Variants in BCL2L1 observed in about 807,000 individuals in gnomAD.
BCL2L1 encodes the protein bcl-2-like protein 1.
Under a neutral mutation model 18.7 loss-of-function variants are expected in BCL2L1, and 1 was observed. The observed-to-expected ratio is 0.05, with a 90% CI of 0.02 to 0.25. BCL2L1 has a LOEUF of 0.25. Among genes scored for constraint, BCL2L1 ranks in the 10% least tolerant of loss-of-function variants. The probability of loss-of-function intolerance (pLI) is 1.00; values close to 1 mark genes in which losing one functional copy is unlikely to be tolerated. For missense variants in BCL2L1, 207 were observed against 304.9 expected (o/e 0.68, Z 2.39); for synonymous variants, 103 against 122.7 (o/e 0.84, Z 1.06).
intron 2 of BCL2L1, among the ~76,000 whole-genome samples, chr20:31,711,320 G>T (rs927695247): frequency 6.6e-6 from 1 of 152,230 alleles, no homozygotes; most frequent in Admixed American, 6.5e-5. Context: ...CCAGCAAGGA[G>T]TCAAGCTGTC....
intron 2 of BCL2L1, among the ~76,000 whole-genome samples, chr20:31,705,841 T>C (rs1168521588): frequency 2.6e-5 from 4 of 152,278 alleles, no homozygotes; most frequent in African/African-American, 9.6e-5. Context: ...GGCAGTTTCC[T>C]CTAGGTTGAC....
chr20:31,694,466 G>C (rs1378324865), intron 2 of BCL2L1, among the ~76,000 whole-genome samples: 1 of 152,134 alleles, frequency 6.6e-6, no homozygotes, highest in Non-Finnish European at 1.5e-5. Context: ...CTGTCTCCCT[G>C]TGGCTTTTCT....
chr20:31,707,289 T>C (rs1412217945), intron 2 of BCL2L1, among the ~76,000 whole-genome samples: 1 of 152,188 alleles, frequency 6.6e-6, no homozygotes, highest in Non-Finnish European at 1.5e-5. Context: ...ATCCACATAT[T>C]CTGTCAGCCT....
intron 2 of BCL2L1, among the ~76,000 whole-genome samples, chr20:31,706,294 A>G (rs919590166): frequency 1.3e-5 from 2 of 152,238 alleles, no homozygotes; most frequent in Admixed American, 6.5e-5. Context: ...CATCTGAGTC[A>G]TATTCAGAGT....
intron 2 of BCL2L1, among the ~76,000 whole-genome samples, chr20:31,721,277 T>TGAG: frequency 6.6e-6 from 1 of 152,194 alleles, no homozygotes; most frequent in Non-Finnish European, 1.5e-5. Context: ...TCTCCAGGCA[T>TGAG]TATACTCATC....
intron 2 of BCL2L1, among the ~76,000 whole-genome samples, chr20:31,673,343 G>T (rs999187202): frequency 1.3e-5 from 2 of 151,996 alleles, no homozygotes; most frequent in South Asian, 2.1e-4. Context: ...CAAAGTGCTA[G>T]GATTAAAGAC....
At chr20:31,679,230 G>C (rs1465639496) in intron 2 of BCL2L1, among the ~76,000 whole-genome samples, 1 of 152,198 alleles carries the variant, frequency 6.6e-6, no homozygotes, top group African/African-American at 2.4e-5. Context: ...GCACCCAGAG[G>C]TGTGCTGTTC....
chr20:31,717,465 G>A (rs1375982975), intron 2 of BCL2L1, among the ~76,000 whole-genome samples: 1 of 152,178 alleles, frequency 6.6e-6, no homozygotes, highest in East Asian at 1.9e-4. Flanking sequence ...TTATTCCTAG[G>A]AAGTCTGGAA....
At chr20:31,717,655 C>G (rs2061558419) in intron 2 of BCL2L1, among the ~76,000 whole-genome samples, 1 of 152,210 alleles carries the variant, frequency 6.6e-6, no homozygotes, top group Admixed American at 6.5e-5. Context: ...CACAGAACTG[C>G]CACTATCTGC....
chr20:31,711,931 C>G lies in BCL2L1; in HGVS notation c.564+9724G>C, dbSNP rs934828001. On this transcript the variant is annotated intron_variant, in intron 2 of 2. Coordinates refer to ENST00000307677, the MANE Select transcript of BCL2L1 (RefSeq NM_138578.3). ...AATCCCAGCTCTTCTTGGTACTAGC[C>G]TGTGAAGCTCTGGGTATATCACTTT... Among the ~76,000 whole-genome samples the G allele has an allele frequency of 6.6e-5, 10 of 152,292 alleles. No individual in the cohort carries two copies. The East Asian group carries it at 1.3e-3, about 21-fold the overall frequency.
chr20:31,719,751 T>C (rs1031898885), intron 2 of BCL2L1, among the ~76,000 whole-genome samples: 2 of 152,312 alleles, frequency 1.3e-5, no homozygotes, highest in Admixed American at 6.5e-5. Flanking sequence ...CTGGTAGGGG[T>C]AGCCTTCTGC....
At chr20:31,696,710 A>AGT in intron 2 of BCL2L1, among the ~76,000 whole-genome samples, 1 of 152,296 alleles carries the variant, frequency 6.6e-6, no homozygotes, top group East Asian at 1.9e-4. Context: ...CCCAGGAGTT[A>AGT]GAGACCAGTC....
intron 2 of BCL2L1, chr20:31,686,390 A>C (rs1863722424): frequency 1.3e-5 from 2 of 152,244 alleles, no homozygotes; most frequent in Admixed American, 6.5e-5. Flanking sequence ...CCAAGGTAAG[A>C]GGAAAACCCT....
At chr20:31,705,572 G>A (rs989072912) in intron 2 of BCL2L1, among the ~76,000 whole-genome samples, 1 of 152,136 alleles carries the variant, frequency 6.6e-6, no homozygotes, top group African/African-American at 2.4e-5. Context: ...CTTTATAAAG[G>A]GAGCTATGGT....
chr20:31,691,238 T>C (rs1042334769), intron 2 of BCL2L1, among the ~76,000 whole-genome samples: 1 of 129,776 alleles, frequency 7.7e-6, no homozygotes, highest in Non-Finnish European at 1.6e-5. Context: ...ACTTAAGTCA[T>C]AAATAATTCA....
upstream of BCL2L1, chr20:31,723,953 G>A: frequency 2.0e-6 from 2 of 985,470 alleles, no homozygotes; most frequent in Non-Finnish European, 1.2e-6. Context: ...AGTCACTTCC[G>A]GTGCCGCGGC....
intron 2 of BCL2L1, among the ~76,000 whole-genome samples, chr20:31,675,289 G>A (rs1291399622): frequency 6.6e-6 from 1 of 152,190 alleles, no homozygotes; most frequent in Non-Finnish European, 1.5e-5. Flanking sequence ...ACCTTGTTCT[G>A]TCCTTCTCAC....
chr20:31,668,529 A>ACT (rs1348357933), intron 2 of BCL2L1, among the ~76,000 whole-genome samples: 2 of 142,160 alleles, frequency 1.4e-5, no homozygotes, highest in East Asian at 4.1e-4. Context: ...CTGGTCTCAA[A>ACT]CTCCTGACCT....
chr20:31,723,779 G>A, upstream of BCL2L1: 1 of 985,466 alleles, frequency 1.0e-6, no homozygotes, highest in African/African-American at 1.7e-5. Context: ...CCCTTCATCG[G>A]CCCGGTAGCT....
Sources: allele counts gnomAD v4.1 joint callset (sites outside exome capture counted in the v4.1 genomes callset), GRCh38; gene constraint gnomAD v4.1.1; transcripts MANE v1.5; gene names NCBI Gene and HGNC (gene_info 2026-07-23, HGNC 2026-07-21).